Variants in PPP2R2B observed in about 807,000 individuals in gnomAD.
PPP2R2B encodes serine/threonine-protein phosphatase 2A 55 kDa regulatory subunit B beta isoform.
PPP2R2B carries 5 observed loss-of-function variants against 46.0 expected under a neutral mutation model. The ratio of observed to expected loss-of-function variants is 0.11; its 90% confidence interval spans 0.06 to 0.23. The LOEUF is 0.23. Ranked by LOEUF, PPP2R2B falls within the 10% of genes least tolerant of loss-of-function variation. PPP2R2B has a pLI of 1.00. For missense variants in PPP2R2B, 367 were observed against 575.0 expected (o/e 0.64, Z 3.70); for synonymous variants, 215 against 206.7 (o/e 1.04, Z -0.34).
At chr5:146,908,580 G>A (rs545100775) in intron 1 of PPP2R2B, among the ~76,000 whole-genome samples, 2 of 151,018 alleles carry the variant, frequency 1.3e-5, no homozygotes, top group Admixed American at 6.6e-5. Flanking sequence ...GACACTAAGG[G>A]CTCCATTAAC....
chr5:146,707,045 C>G, intron 2 of PPP2R2B: 1 of 1,108,366 alleles, frequency 9.0e-7, no homozygotes, highest in South Asian at 1.2e-5. Flanking sequence ...AATTCATTCT[C>G]CGTCTCTGTA....
chr5:146,783,055 A>T (rs1755632602), intron 2 of PPP2R2B, among the ~76,000 whole-genome samples: 1 of 152,232 alleles, frequency 6.6e-6, no homozygotes, highest in Non-Finnish European at 1.5e-5. Flanking sequence ...GTATAGGAAG[A>T]GTTTTTAAGA....
At chr5:146,898,164 G>A (rs1317773953) in intron 1 of PPP2R2B, among the ~76,000 whole-genome samples, 3 of 152,156 alleles carry the variant, frequency 2.0e-5, no homozygotes, top group South Asian at 4.1e-4. Flanking sequence ...CAGCCTGGGC[G>A]ACAAGAGTGA....
chr5:147,074,791 G>A (rs568700584), intron 2 of PPP2R2B, among the ~76,000 whole-genome samples: 1 of 152,178 alleles, frequency 6.6e-6, no homozygotes, highest in South Asian at 2.1e-4. Flanking sequence ...ACCTCACATC[G>A]ACAGTCAAAT....
At chr5:146,748,987 G>C (rs1270509734) in intron 2 of PPP2R2B, among the ~76,000 whole-genome samples, 2 of 152,108 alleles carry the variant, frequency 1.3e-5, no homozygotes, top group African/African-American at 4.8e-5. Flanking sequence ...TTGTTTTCCA[G>C]AATTTTTTCC....
intron 1 of PPP2R2B, among the ~76,000 whole-genome samples, chr5:146,944,789 G>A (rs1764428022): frequency 6.6e-6 from 1 of 151,928 alleles, no homozygotes; most frequent in South Asian, 2.1e-4. Context: ...TTTATTAAAG[G>A]TAAAGAAATA....
At chr5:146,710,845 C>T (rs893682004) in intron 2 of PPP2R2B, among the ~76,000 whole-genome samples, 6 of 152,232 alleles carry the variant, frequency 3.9e-5, no homozygotes, top group Non-Finnish European at 7.3e-5. Context: ...CTACCTGCTA[C>T]CCAAACACAC....
At chr5:146,694,380 G>A (rs1241807792) in intron 4 of PPP2R2B, among the ~76,000 whole-genome samples, 1 of 152,112 alleles carries the variant, frequency 6.6e-6, no homozygotes, top group Non-Finnish European at 1.5e-5. Flanking sequence ...GATCAGCTGT[G>A]GCTTAGAACA....
chr5:146,841,187 G>T (rs1488452671), intron 2 of PPP2R2B, among the ~76,000 whole-genome samples: 1 of 152,132 alleles, frequency 6.6e-6, no homozygotes, highest in Non-Finnish European at 1.5e-5. Flanking sequence ...GCAGAAGCCA[G>T]CTATAATAAT....
intron 2 of PPP2R2B, among the ~76,000 whole-genome samples, chr5:146,787,407 G>A (rs141697196): frequency 1.9e-4 from 29 of 152,294 alleles, no homozygotes; most frequent in Non-Finnish European, 3.2e-4. Flanking sequence ...TCAAATGTTG[G>A]CAGCTCATTT....
At chr5:146,654,302 A>G (rs777711075) in intron 5 of PPP2R2B, among the ~76,000 whole-genome samples, 19 of 152,152 alleles carry the variant, frequency 1.2e-4, no homozygotes, top group Non-Finnish European at 2.4e-4. Context: ...GTCCAATGTC[A>G]CACAAAGAAT....
At chr5:146,649,594 G>A (rs1016691266) in intron 6 of PPP2R2B, among the ~76,000 whole-genome samples, 2 of 151,892 alleles carry the variant, frequency 1.3e-5, no homozygotes, top group Non-Finnish European at 2.9e-5. Context: ...ACAGGCGCCC[G>A]CCACCATGCC....
intron 1 of PPP2R2B, among the ~76,000 whole-genome samples, chr5:146,997,342 A>G (rs1212271121): frequency 6.6e-6 from 1 of 152,200 alleles, no homozygotes; most frequent in Non-Finnish European, 1.5e-5. Context: ...ACTTGTGTCT[A>G]TCAACAGCAG....
chr5:146,923,783 C>A (rs572549140), intron 1 of PPP2R2B, among the ~76,000 whole-genome samples: 1 of 152,284 alleles, frequency 6.6e-6, no homozygotes, highest in African/African-American at 2.4e-5. Flanking sequence ...ATGTTTATTG[C>A]AGCACTATTC....
At chr5:146,993,952 G>A (rs771850840) in intron 1 of PPP2R2B, among the ~76,000 whole-genome samples, 38 of 152,180 alleles carry the variant, frequency 2.5e-4, no homozygotes, top group Admixed American at 9.2e-4. Flanking sequence ...AGAGCTGTGT[G>A]TGACCTGCAG....
At chr5:146,747,160 T>C (rs1038271619) in intron 2 of PPP2R2B, among the ~76,000 whole-genome samples, 1 of 152,190 alleles carries the variant, frequency 6.6e-6, no homozygotes, top group Non-Finnish European at 1.5e-5. Context: ...AAAGGTCCAG[T>C]ACCCCATTCC....
At chr5:146,626,558 C>T (rs2151064505) in intron 7 of PPP2R2B, among the ~76,000 whole-genome samples, 1 of 152,304 alleles carries the variant, frequency 6.6e-6, no homozygotes, top group East Asian at 1.9e-4. Context: ...GAAAATATTT[C>T]TGGGCATTTC....
At chr5:146,965,055 ATGACAAAC>A (rs989728976) in intron 1 of PPP2R2B, among the ~76,000 whole-genome samples, 1 of 152,146 alleles carries the variant, frequency 6.6e-6, no homozygotes, top group African/African-American at 2.4e-5. Context: ...CCAGAACATC[ATGACAAAC>A]TGTGTGTTTA....
intron 6 of PPP2R2B, among the ~76,000 whole-genome samples, chr5:146,639,375 A>G (rs1775044151): frequency 6.6e-6 from 1 of 151,920 alleles, no homozygotes; most frequent in Non-Finnish European, 1.5e-5. Context: ...TTATACCTCT[A>G]TTTTTTAAAG....
Sources: gnomAD v4.1 joint callset for allele counts (sites outside exome capture counted in the v4.1 genomes callset) on GRCh38, gnomAD v4.1.1 for gene constraint, MANE v1.5 for transcripts, NCBI Gene and HGNC (gene_info 2026-07-23, HGNC 2026-07-21) for gene names.